NELL1: variants seen among roughly 807,000 people sequenced by gnomAD.
The protein encoded by NELL1 is neural EGFL like 1.
NELL1 carries 76 observed loss-of-function variants against 107.4 expected under a neutral mutation model. The ratio of observed to expected loss-of-function variants is 0.71; its 90% CI spans 0.59 to 0.86. NELL1 has a LOEUF of 0.86. Among genes scored for constraint, NELL1 ranks in the 40% least tolerant of loss-of-function variants. The probability of loss-of-function intolerance (pLI) is 0.00; values close to 1 mark genes in which losing one functional copy is unlikely to be tolerated. For synonymous variants in NELL1, 353 were observed against 341.2 expected (o/e 1.03, Z -0.38); for missense variants, 1,024 against 1,005.5 (o/e 1.02, Z -0.25).
chr11:21,119,311 A>G (rs887306201), intron 13 of NELL1, among the ~76,000 whole-genome samples: 6 of 151,066 alleles, frequency 4.0e-5, no homozygotes, highest in Non-Finnish European at 8.9e-5. Context: ...GCTAAGCATG[A>G]TGGAGGAGAA....
intron 12 of NELL1, among the ~76,000 whole-genome samples, chr11:20,998,383 T>A (rs1202531107): frequency 6.6e-6 from 1 of 152,234 alleles, no homozygotes; most frequent in East Asian, 1.9e-4. Flanking sequence ...TTTCATTTTG[T>A]TTTAGCCATA....
chr11:21,131,302 T>C (rs1211378729), intron 13 of NELL1, among the ~76,000 whole-genome samples: 1 of 152,198 alleles, frequency 6.6e-6, no homozygotes, highest in African/African-American at 2.4e-5. Flanking sequence ...GCAATGTTAT[T>C]ATCCACCTAT....
chr11:21,101,072 G>A (rs951267778), intron 12 of NELL1, among the ~76,000 whole-genome samples: 4 of 149,806 alleles, frequency 2.7e-5, no homozygotes, highest in African/African-American at 5.0e-5. Flanking sequence ...TCCCACCTAT[G>A]AGTGAGAATA....
At chr11:21,203,038 C>T (rs961092498) in intron 13 of NELL1, among the ~76,000 whole-genome samples, 2 of 152,058 alleles carry the variant, frequency 1.3e-5, no homozygotes, top group African/African-American at 4.8e-5. Flanking sequence ...GTTTTACTTC[C>T]AGTTATGTGG....
intron 3 of NELL1, among the ~76,000 whole-genome samples, chr11:20,818,375 G>C (rs2134021369): frequency 7.4e-6 from 1 of 134,686 alleles, no homozygotes; most frequent in African/African-American, 2.8e-5. Flanking sequence ...TTTGAAGTCT[G>C]TTTCATCCCA....
chr11:21,319,641 C>A (rs1235707734), intron 14 of NELL1, among the ~76,000 whole-genome samples: 1 of 151,490 alleles, frequency 6.6e-6, no homozygotes, highest in Non-Finnish European at 1.5e-5. Context: ...CGCGCCCAGC[C>A]GGAAACTATT....
intron 14 of NELL1, among the ~76,000 whole-genome samples, chr11:21,334,668 G>A (rs914580838): frequency 6.6e-6 from 1 of 151,840 alleles, no homozygotes; most frequent in Admixed American, 6.6e-5. Flanking sequence ...CAATTTTCTG[G>A]TATCTTAATT....
chr11:20,873,569 C>T lies in NELL1; in HGVS notation c.507-11875C>T, dbSNP rs138440999. ...GCAGATGATCTGTTTTGTGCTTACA[C>T]GGAAAATCCTGTGTGGTAGATGTTG... On this transcript the variant is annotated intron_variant, in intron 4 of 19. Transcript: ENST00000357134. Among the ~76,000 whole-genome samples the T allele has an allele frequency of 7.9e-5, 12 of 152,250 alleles. No homozygotes were observed. In the East Asian group the frequency reaches 1.2e-3, roughly 15 times the overall value.
At chr11:20,828,730 T>G (rs756543167) in intron 3 of NELL1, among the ~76,000 whole-genome samples, 21 of 152,222 alleles carry the variant, frequency 1.4e-4, no homozygotes, top group Non-Finnish European at 2.6e-4. Flanking sequence ...ATCATTTGTT[T>G]TTTCTTTTCA....
At chr11:20,819,829 C>A (rs931371962) in intron 3 of NELL1, among the ~76,000 whole-genome samples, 3 of 152,122 alleles carry the variant, frequency 2.0e-5, no homozygotes, top group African/African-American at 7.2e-5. Context: ...TACAGCAACT[C>A]CAGGGGTTAA....
intron 16 of NELL1, among the ~76,000 whole-genome samples, chr11:21,550,147 C>G (rs1411448423): frequency 6.6e-6 from 1 of 151,692 alleles, no homozygotes; most frequent in Admixed American, 6.6e-5. Flanking sequence ...CAGGCAGAAA[C>G]TTTTGGGGTT....
At chr11:21,259,266 C>T (rs1246944110) in intron 14 of NELL1, among the ~76,000 whole-genome samples, 1 of 151,818 alleles carries the variant, frequency 6.6e-6, no homozygotes, top group Non-Finnish European at 1.5e-5. Flanking sequence ...CTGTACAATT[C>T]TATTGTGCTT....
intron 2 of NELL1, among the ~76,000 whole-genome samples, chr11:20,742,523 G>A (rs1450328270): frequency 6.6e-6 from 1 of 152,152 alleles, no homozygotes; most frequent in Admixed American, 6.5e-5. Flanking sequence ...AAGAAAAGAT[G>A]TTTAATAGAC....
chr11:20,772,550 G>A (rs891205581), intron 2 of NELL1, among the ~76,000 whole-genome samples: 1 of 152,072 alleles, frequency 6.6e-6, no homozygotes, highest in Non-Finnish European at 1.5e-5. Flanking sequence ...GTCTAGATAT[G>A]GGCATTTTTT....
intron 15 of NELL1, among the ~76,000 whole-genome samples, chr11:21,516,748 CACACACACACACAG>C (rs1855574771): frequency 6.9e-6 from 1 of 144,512 alleles, no homozygotes; most frequent in African/African-American, 2.5e-5. Flanking sequence ...CATACACACA[CACACACACACACAG>C]ACACACACAC....
chr11:20,853,483 G>A (rs2134064553), intron 4 of NELL1, among the ~76,000 whole-genome samples: 1 of 152,264 alleles, frequency 6.6e-6, no homozygotes, highest in South Asian at 2.1e-4. Flanking sequence ...GCTTGCATCT[G>A]TAAAATGGCA....
chr11:20,711,867 A>G (rs937438972), intron 2 of NELL1, among the ~76,000 whole-genome samples: 1 of 152,138 alleles, frequency 6.6e-6, no homozygotes, highest in Non-Finnish European at 1.5e-5. Context: ...GTAGGTGAAG[A>G]TCATTTTGCA....
chr11:20,745,966 A>G (rs954764371), intron 2 of NELL1, among the ~76,000 whole-genome samples: 3 of 152,218 alleles, frequency 2.0e-5, no homozygotes, highest in Admixed American at 6.5e-5. Flanking sequence ...TTGCAAGGAA[A>G]AAGAATTTCT....
chr11:20,692,263 G>GTTT (rs750911012), intron 2 of NELL1, among the ~76,000 whole-genome samples: 28 of 149,762 alleles, frequency 1.9e-4, no homozygotes, highest in African/African-American at 2.4e-4. Flanking sequence ...TTTTTGAAGG[G>GTTT]TTTTTTTTTG....
Sources: allele counts gnomAD v4.1 joint callset (sites outside exome capture counted in the v4.1 genomes callset), GRCh38; gene constraint gnomAD v4.1.1; transcripts MANE v1.5; gene names NCBI Gene and HGNC (gene_info 2026-07-23, HGNC 2026-07-21).